DYSF: variants seen among roughly 807,000 people sequenced by gnomAD.
DYSF encodes dysferlin, also known as dystrophy-associated fer-1-like 1.
DYSF carries 212 observed loss-of-function variants against 274.9 expected under a neutral mutation model. That is an observed-to-expected ratio of 0.77 (90% CI 0.69 to 0.86). DYSF has a LOEUF of 0.86. DYSF is among the 40% of genes least tolerant of loss of function. DYSF has a pLI of 0.00. For synonymous variants in DYSF, 1,091 were observed against 1,078.7 expected (o/e 1.01, Z -0.22); for missense variants, 2,666 against 2,783.2 (o/e 0.96, Z 0.95).
chr2:71,484,061 T>C (rs2083163972), intron 3 of DYSF, among the ~76,000 whole-genome samples: 1 of 140,060 alleles, frequency 7.1e-6, no homozygotes, highest in African/African-American at 2.7e-5. Context: ...TTTTTTTTTT[T>C]TTTTTTTTTG....
At chr2:71,624,010 G>A (rs2094158287) in intron 41 of DYSF, among the ~76,000 whole-genome samples, 1 of 152,140 alleles carries the variant, frequency 6.6e-6, no homozygotes, top group South Asian at 2.1e-4. Context: ...ACGAGGTTGC[G>A]GTGAGCCGTG....
intron 17 of DYSF, among the ~76,000 whole-genome samples, chr2:71,546,311 G>A (rs979306212): frequency 2.0e-5 from 3 of 152,346 alleles, no homozygotes; most frequent in East Asian, 1.9e-4. Flanking sequence ...TTTCCTCACT[G>A]CTCTCAAAGA....
intron 42 of DYSF, among the ~76,000 whole-genome samples, chr2:71,644,341 C>T (rs577317985): frequency 6.6e-6 from 1 of 152,242 alleles, no homozygotes; most frequent in South Asian, 2.1e-4. Context: ...TTAACGTGCC[C>T]CAGCCCCCTA....
chr2:71,506,248 C>A (rs1311585878), intron 4 of DYSF, among the ~76,000 whole-genome samples: 1 of 152,092 alleles, frequency 6.6e-6, no homozygotes, highest in Non-Finnish European at 1.5e-5. Context: ...AGAGCCTGAC[C>A]ACATAACCTG....
chr2:71,552,112 GTTA>G (rs1235941425), intron 19 of DYSF, among the ~76,000 whole-genome samples: 1 of 152,202 alleles, frequency 6.6e-6, no homozygotes, highest in Non-Finnish European at 1.5e-5. Flanking sequence ...GGTGGCTGCT[GTTA>G]TTATTATTAT....
At chr2:71,561,971 T>C (rs777905098) in intron 23 of DYSF, 27 bp downstream of exon 23, 1 of 1,606,408 alleles carries the variant, frequency 6.2e-7, no homozygotes, top group East Asian at 2.2e-5. Flanking sequence ...GTGCCTTTCT[T>C]CTTCTGCTCT....
intron 24 of DYSF, among the ~76,000 whole-genome samples, chr2:71,566,973 C>T (rs1471922035): frequency 6.6e-6 from 1 of 152,172 alleles, no homozygotes; most frequent in East Asian, 1.9e-4. Flanking sequence ...CCTCAGCTGC[C>T]CTTTCATCTT....
intron 30 of DYSF, among the ~76,000 whole-genome samples, chr2:71,582,857 G>A (rs1217852157): frequency 6.6e-6 from 1 of 151,952 alleles, no homozygotes; most frequent in African/African-American, 2.4e-5. Context: ...AGCCTCAGGA[G>A]CAGAGATAAC....
chr2:71,656,078 C>T, intron 42 of DYSF, 84 bp from the exon 43 acceptor site: 3 of 1,533,284 alleles, frequency 2.0e-6, no homozygotes, highest in Non-Finnish European at 2.7e-6. Context: ...CATGTTTCCC[C>T]TCCTTCTCTT....
intron 36 of DYSF, among the ~76,000 whole-genome samples, chr2:71,605,563 C>T (rs2093631834): frequency 6.6e-6 from 1 of 152,070 alleles, no homozygotes. Flanking sequence ...AGAGAATTAC[C>T]CTTGCTTCTG....
chr2:71,492,528 A>G (rs1370067573), intron 3 of DYSF, among the ~76,000 whole-genome samples: 2 of 152,266 alleles, frequency 1.3e-5, no homozygotes, highest in Non-Finnish European at 2.9e-5. Context: ...AAGAATGAGA[A>G]ATGGATACAT....
chr2:71,536,697 GTT>G (rs1311419832), intron 16 of DYSF, among the ~76,000 whole-genome samples: 3 of 152,170 alleles, frequency 2.0e-5, no homozygotes, highest in African/African-American at 7.2e-5. Context: ...TGCATCTCTG[GTT>G]TGGGTTGAAG....
intron 42 of DYSF, among the ~76,000 whole-genome samples, chr2:71,653,433 G>A (rs1353487381): frequency 1.3e-5 from 2 of 151,984 alleles, no homozygotes; most frequent in African/African-American, 4.8e-5. Flanking sequence ...ATGATAGACT[G>A]GATTAAGAAA....
At position 71,644,001 on chromosome 2, in the gene DYSF, G is replaced by A; in HGVS notation, c.4564G>A (p.Ala1522Thr). The stretch of plus-strand genomic sequence containing the variant: ...CATCGATTGGTGGAGCAAATTCTTT[G>A]CCTCCATAGGGGAGAGGGAAAAGTG... ...EFIDWWSKFF[A>T]SIGEREKCGS... is the part of the protein sequence containing the mutation. The change falls in exon 42 of 56, where the codon GCC becomes ACC. Residue 1522 changes from alanine (A) to threonine (T), a missense_variant. Coordinates refer to ENST00000410020, the MANE Select transcript of DYSF (RefSeq NM_001130987.2). The A allele has an allele frequency of 1.2e-6, 2 of 1,612,402 alleles. No individual in the cohort carries two copies. Among genetic ancestry groups the A allele is most frequent in the Non-Finnish European group, 1.7e-6 (2 of 1,179,380 alleles).
chr2:71,541,975 G>A (rs762388104), intron 17 of DYSF, among the ~76,000 whole-genome samples: 3 of 152,154 alleles, frequency 2.0e-5, no homozygotes, highest in Non-Finnish European at 2.9e-5. Flanking sequence ...TCTTAAATCC[G>A]AGTTGAGGAT....
chr2:71,680,488 A>C lies in DYSF; in HGVS notation c.6064-513A>C, dbSNP rs528136884. Among the ~76,000 whole-genome samples the C allele has an allele frequency of 1.9e-4, 29 of 152,284 alleles. No individual in the cohort carries two copies. In the South Asian group the frequency reaches 5.6e-3, roughly 29 times the overall value. On this transcript the variant is annotated intron_variant, in intron 53 of 55. Transcript: ENST00000410020. ...ATCCTTCTAAATAAATAACCCAATA[A>C]ATTTTAAAAGTCTAGGTTCTGGGAT...
At chr2:71,678,291 G>T (rs2095251504) in intron 52 of DYSF, among the ~76,000 whole-genome samples, 1 of 152,048 alleles carries the variant, frequency 6.6e-6, no homozygotes, top group African/African-American at 2.4e-5. Flanking sequence ...CAGATTTTCA[G>T]ATTATGCATG....
At chr2:71,532,914 CAACA>C (rs2088913509) in intron 14 of DYSF, among the ~76,000 whole-genome samples, 1 of 152,024 alleles carries the variant, frequency 6.6e-6, no homozygotes, top group Admixed American at 6.6e-5. Context: ...GTACCCCATC[CAACA>C]ATCAATCCAT....
intron 30 of DYSF, among the ~76,000 whole-genome samples, chr2:71,577,543 C>T (rs912839164): frequency 6.6e-6 from 1 of 150,516 alleles, no homozygotes; most frequent in Non-Finnish European, 1.5e-5. Flanking sequence ...CTCACACTAA[C>T]ACGTACACAA....
Sources: allele counts gnomAD v4.1 joint callset (sites outside exome capture counted in the v4.1 genomes callset), GRCh38; gene constraint gnomAD v4.1.1; transcripts MANE v1.5; gene names NCBI Gene and HGNC (gene_info 2026-07-23, HGNC 2026-07-21).